Variants in URB1 observed in about 807,000 individuals in gnomAD.
The protein encoded by URB1 is nucleolar pre-ribosomal-associated protein 1.
Under a neutral mutation model 242.3 loss-of-function variants are expected in URB1, and 197 were observed. The observed-to-expected ratio is 0.81, with a 90% confidence interval of 0.72 to 0.91. The LOEUF is 0.91. URB1 is among the 40% of genes least tolerant of loss of function. URB1 has a pLI of 0.00. For synonymous variants in URB1, 1,153 were observed against 1,201.8 expected, an observed-to-expected ratio of 0.96 and a Z score of 0.84; for missense variants, 2,721 against 2,860.5, an observed-to-expected ratio of 0.95 and a Z score of 1.11.
intron 38 of URB1, 135 bp from the exon 39 acceptor site, chr21:32,315,234 G>A (rs904820275): frequency 2.8e-6 from 2 of 705,850 alleles, no homozygotes; most frequent in Admixed American, 3.9e-5. Context: ...CCCAAGGTGA[G>A]CACACCGATA....
chr21:32,354,895 C>T lies in URB1; in HGVS notation c.2209G>A (p.Ala737Thr). The T allele has an allele frequency of 6.4e-7, 1 of 1,552,370 alleles. No individual in the cohort carries two copies. The highest frequency in any genetic ancestry group is 1.4e-5 in the African/African-American group (1 of 73,172). Residue 737 changes from alanine to threonine, a missense_variant, in exon 17 of 39, where the codon GCC (alanine) becomes ACC (threonine). Ala to Thr is a moderately conservative substitution (Grantham distance 58). Coordinates refer to ENST00000382751, the MANE Select transcript of URB1 (RefSeq NM_014825.3). ...GAGATGGGAATGCTCATGTCATCGG[C>T]TTCTTGCTTCGTCATAGTGGCCTGC... ...MLQATMTKQE[A>T]DDMSIPISHI...
At chr21:32,330,065 TG>T (rs2032875300) in intron 30 of URB1, among the ~76,000 whole-genome samples, 1 of 152,206 alleles carries the variant, frequency 6.6e-6, no homozygotes, top group African/African-American at 2.4e-5. Context: ...GCCAGGAATT[TG>T]CCTCTTCCAA....
At chr21:32,336,324 C>T (rs2032959010) in intron 28 of URB1, among the ~76,000 whole-genome samples, 1 of 152,146 alleles carries the variant, frequency 6.6e-6, no homozygotes, top group African/African-American at 2.4e-5. Context: ...CTCCTCCCTG[C>T]AAGCTCTCCT....
At chr21:32,379,573 A>T (rs1286529513) in intron 4 of URB1, among the ~76,000 whole-genome samples, 3 of 152,224 alleles carry the variant, frequency 2.0e-5, no homozygotes, top group African/African-American at 2.4e-5. Context: ...ATGTTTACAG[A>T]GCACTTACTA....
At chr21:32,315,651 A>C (rs1407792693) in intron 38 of URB1, among the ~76,000 whole-genome samples, 4 of 152,218 alleles carry the variant, frequency 2.6e-5, no homozygotes, top group Non-Finnish European at 5.9e-5. Context: ...TTACAAGACA[A>C]GTCTCTTCCT....
At chr21:32,356,463 AAAG>A (rs1396190574) in intron 15 of URB1, among the ~76,000 whole-genome samples, 2 of 152,170 alleles carry the variant, frequency 1.3e-5, no homozygotes, top group African/African-American at 4.8e-5. Flanking sequence ...TCCTAAATAA[AAAG>A]AAGGGAAAAA....
intron 2 of URB1, among the ~76,000 whole-genome samples, chr21:32,384,867 G>T (rs1450127571): frequency 6.6e-6 from 1 of 152,226 alleles, no homozygotes; most frequent in Non-Finnish European, 1.5e-5. Flanking sequence ...TGTAGTCCCA[G>T]CTACTTGGGA....
intron 10 of URB1, 88 bp from the exon 11 acceptor site, chr21:32,363,417 C>T: frequency 6.9e-7 from 1 of 1,441,846 alleles, no homozygotes; most frequent in Non-Finnish European, 9.3e-7. Context: ...TGCCCCTCCT[C>T]AGGTCACTCA....
Position 32,345,579 on chromosome 21 carries a change from G to C in URB1, c.3869-4C>G, listed in dbSNP as rs1380330061. ...ACAGGAATGACAGCGGAAGACACTA[G>C]GGCAGAGATACAAAGGAGAAGTCAT... On this transcript the variant is annotated splice_region_variant and splice_polypyrimidine_tract_variant and intron_variant, in intron 22 of 38. Coordinates refer to ENST00000382751, the MANE Select transcript of URB1 (RefSeq NM_014825.3). The C allele has an allele frequency of 1.8e-5, 27 of 1,531,068 alleles. No homozygotes were observed. The highest frequency in any genetic ancestry group is 2.4e-5 in the Non-Finnish European group (27 of 1,131,116). The allele number at this position is 1,531,068 out of a possible 1,614,324, so 94.8% of individuals were successfully genotyped here. A position where few individuals can be genotyped will look rare whatever the true frequency, so the allele number is the denominator to read the frequency against.
intron 24 of URB1, among the ~76,000 whole-genome samples, chr21:32,343,002 A>G (rs1003290460): frequency 2.6e-5 from 4 of 152,118 alleles, no homozygotes; most frequent in African/African-American, 7.2e-5. Flanking sequence ...GTGGGGAAAA[A>G]AAATCTCTAA....
At position 32,354,872 on chromosome 21, in the gene URB1, GATGGGAATGCTC is replaced by G. The variant is rs1394515416; in HGVS notation, c.2220_2231del (p.Met740_Pro743del). On this transcript the variant is annotated inframe_deletion, in exon 17 of 39. Transcript: ENST00000382751. ...AATGGAACATACCGTCAATGTGGGA[GATGGGAATGCTC>G]ATGTCATCGGCTTCTTGCTTCGTCA... The G allele has an allele frequency of 9.0e-6, 14 of 1,552,274 alleles. No homozygotes were observed. Among genetic ancestry groups the G allele is most frequent in the Admixed American group, 2.0e-5 (1 of 50,988 alleles).
rs764006693 is a variant in URB1 at position 32,325,195 on chromosome 21, C to A, written c.5121+34G>T. On this transcript the variant is annotated intron_variant, in intron 31 of 38. Transcript: ENST00000382751. ...AGCTCTCTGAAGTCCGCCAGGCCCA[C>A]CCCCACAGTAGGATGTACGCTCTTC... 257 of 1,524,344 alleles carry A rather than the reference C, an allele frequency of 1.7e-4. 1 individual carries two copies. The highest frequency in any genetic ancestry group is 2.2e-4 in the Non-Finnish European group (246 of 1,127,314). 94.4% of individuals were successfully genotyped at this position (1,524,344 alleles called of 1,614,324 possible).
intron 1 of URB1, among the ~76,000 whole-genome samples, chr21:32,390,984 T>C (rs2033631189): frequency 1.3e-5 from 2 of 152,130 alleles, no homozygotes; most frequent in African/African-American, 4.8e-5. Flanking sequence ...CCAACAATGA[T>C]AGACTGGATT....
Position 32,351,591 on chromosome 21 carries a change from C to T in URB1, c.2614-669G>A, listed in dbSNP as rs570964780. Among the ~76,000 whole-genome samples the T allele has an allele frequency of 1.1e-4, 17 of 152,318 alleles. No homozygotes were observed. The South Asian group carries it at 2.1e-3, about 19-fold the overall frequency. On this transcript the variant is annotated intron_variant, in intron 19 of 38. Transcript: ENST00000382751. ...CAGCAGCATGTGTGAAATGCAAATT[C>T]TCAGGCTCCACCCAGACCTGCCGGG...
At chr21:32,373,158 T>C (rs2033423855) in intron 7 of URB1, among the ~76,000 whole-genome samples, 1 of 152,220 alleles carries the variant, frequency 6.6e-6, no homozygotes. Context: ...GCTGTTTCAA[T>C]TTAGCACGAG....
chr21:32,364,811 C>T (rs1480424089), intron 10 of URB1, among the ~76,000 whole-genome samples: 3 of 152,064 alleles, frequency 2.0e-5, no homozygotes, highest in African/African-American at 4.8e-5. Flanking sequence ...AAACAAACAT[C>T]ATCCAACTCC....
At chr21:32,345,124 C>T (rs963862170) in intron 23 of URB1, among the ~76,000 whole-genome samples, 4 of 152,080 alleles carry the variant, frequency 2.6e-5, no homozygotes, top group Non-Finnish European at 5.9e-5. Context: ...CAGACATTGT[C>T]AATTGTCCCC....
Position 32,378,448 on chromosome 21 carries a change from T to C in URB1, c.661A>G (p.Lys221Glu), listed in dbSNP as rs2123618903. Residue 221 changes from lysine to glutamate, a missense_variant, in exon 5 of 39, where the codon AAA (lysine) becomes GAA (glutamate). Lys to Glu is a moderately conservative substitution (Grantham distance 56, BLOSUM62 1). Transcript: ENST00000382751. ...DSTIVQVLEV[K>E]EFIPCIFSSG... Reference sequence around the variant, plus strand: ...ACGGACAAGGGAGTACACCTACCTTTCACTTCCAACACCTGCACTATAGTG... The same window carrying C: ...ACGGACAAGGGAGTACACCTACCTTCCACTTCCAACACCTGCACTATAGTG... 3 of 1,551,350 alleles carry C rather than the reference T, an allele frequency of 1.9e-6. No homozygotes were observed. In the East Asian group the frequency reaches 7.3e-5, roughly 38 times the overall value.
At chr21:32,326,026 A>G (rs2032825361) in intron 30 of URB1, among the ~76,000 whole-genome samples, 1 of 151,898 alleles carries the variant, frequency 6.6e-6, no homozygotes, top group Non-Finnish European at 1.5e-5. Context: ...TGAGGCCGAG[A>G]GAAGCTGACA....
Sources: gnomAD v4.1 joint callset for allele counts (sites outside exome capture counted in the v4.1 genomes callset) on GRCh38, gnomAD v4.1.1 for gene constraint, MANE v1.5 for transcripts, NCBI Gene and HGNC (gene_info 2026-07-23, HGNC 2026-07-21) for gene names.